Variants in OPCML observed in about 807,000 individuals in gnomAD.
OPCML encodes the protein opioid binding protein/cell adhesion molecule like.
In OPCML, 13 loss-of-function variants were observed where a neutral mutation model predicts 37.8. The observed-to-expected ratio is 0.34, with a 90% CI of 0.22 to 0.55. OPCML has a LOEUF of 0.55. Ranked by LOEUF, OPCML falls within the 20% of genes least tolerant of loss-of-function variation. The pLI is 0.91. For synonymous variants in OPCML, 176 were observed against 168.8 expected (o/e 1.04, Z -0.33); for missense variants, 341 against 435.6 (o/e 0.78, Z 1.93).
intron 1 of OPCML, among the ~76,000 whole-genome samples, chr11:133,520,044 A>G (rs1363945288): frequency 6.6e-6 from 1 of 152,052 alleles, no homozygotes; most frequent in African/African-American, 2.4e-5. Flanking sequence ...TGAAGAATGA[A>G]TTTTCTAGTC....
At chr11:133,137,939 T>A (rs11821620) in intron 1 of OPCML, among the ~76,000 whole-genome samples, 8,041 of 152,234 alleles carry the variant, frequency 0.053, 374 homozygotes, top group African/African-American at 0.12. Context: ...GGTTCCTTTT[T>A]CAAGAGTTCT....
chr11:133,208,782 G>A lies in OPCML; in HGVS notation c.62-265772C>T, dbSNP rs1267207104. ...CAATGGCCCTTCTCTAGGACCAAAG[G>A]GATACACCAAGTGCTGGAGTGAAGA... On this transcript the variant is annotated intron_variant, in intron 1 of 7. Coordinates refer to ENST00000524381, the MANE Select transcript of OPCML (RefSeq NM_001012393.5). The surrounding 1 kb of genome is among the most constrained non-coding windows in gnomAD (Gnocchi z 8.9). Among the ~76,000 whole-genome samples, 1 of 152,026 alleles carries A rather than the reference G, an allele frequency of 6.6e-6. No homozygotes were observed. The highest frequency in any genetic ancestry group is 6.6e-5 in the Admixed American group (1 of 15,262).
chr11:133,003,932 G>T (rs891245487), intron 1 of OPCML: 1 of 985,428 alleles, frequency 1.0e-6, no homozygotes, highest in Non-Finnish European at 1.2e-6. Flanking sequence ...GGTCACACAG[G>T]CTGGCAGCAC....
intron 1 of OPCML, among the ~76,000 whole-genome samples, chr11:133,303,274 G>C (rs961608705): frequency 1.1e-4 from 17 of 152,132 alleles, no homozygotes; most frequent in Non-Finnish European, 2.5e-4. Context: ...TGGCATAAGG[G>C]AAGAGCAGCA....
chr11:132,684,179 T>G (rs1943071820), intron 2 of OPCML, among the ~76,000 whole-genome samples: 1 of 152,236 alleles, frequency 6.6e-6, no homozygotes, highest in African/African-American at 2.4e-5. Context: ...TAATTTATAA[T>G]GCTTAATACC....
rs192851403 is a variant in OPCML at position 133,244,278 on chromosome 11, C to A, written c.61+287986G>T. ...GTCTTCATCTGTGAATAGCCAAAAACGACAAGGCATGGACATACCTCGAAG... is the reference window on the plus strand; with the variant it reads ...GTCTTCATCTGTGAATAGCCAAAAAAGACAAGGCATGGACATACCTCGAAG... On this transcript the variant is annotated intron_variant, in intron 1 of 7. Coordinates refer to ENST00000524381, the MANE Select transcript of OPCML (RefSeq NM_001012393.5). Among the ~76,000 whole-genome samples the A allele has an allele frequency of 5.9e-4, 90 of 152,142 alleles. 1 individual carries two copies. In the East Asian group the frequency reaches 0.016, roughly 28 times the overall value.
intron 1 of OPCML, among the ~76,000 whole-genome samples, chr11:133,111,884 A>G (rs1201997904): frequency 1.3e-5 from 2 of 152,136 alleles, no homozygotes; most frequent in Non-Finnish European, 2.9e-5. Context: ...GGATGGGTGG[A>G]GGATGTTTAT....
chr11:133,179,525 ACT>A (rs1016394117), intron 1 of OPCML, among the ~76,000 whole-genome samples: 10 of 152,078 alleles, frequency 6.6e-5, no homozygotes, highest in African/African-American at 2.4e-4. Flanking sequence ...GGAGAGCGGC[ACT>A]CTCTTTCTTC....
chr11:133,149,457 G>A (rs1452893259), intron 1 of OPCML, among the ~76,000 whole-genome samples: 1 of 152,190 alleles, frequency 6.6e-6, no homozygotes, highest in Admixed American at 6.5e-5. Flanking sequence ...CCCACTTAAA[G>A]TAAAACGAAG....
chr11:132,609,989 C>G (rs1018172438), intron 3 of OPCML, among the ~76,000 whole-genome samples: 8 of 151,854 alleles, frequency 5.3e-5, no homozygotes, highest in Admixed American at 5.2e-4. Flanking sequence ...AACCATCACA[C>G]ACACACACAA....
chr11:133,357,353 G>A (rs1944312108), intron 1 of OPCML, among the ~76,000 whole-genome samples: 1 of 152,200 alleles, frequency 6.6e-6, no homozygotes, highest in African/African-American at 2.4e-5. Context: ...CTAGGGTTGT[G>A]CTGAGAATTA....
intron 1 of OPCML, among the ~76,000 whole-genome samples, chr11:133,363,914 C>T (rs1183684637): frequency 6.6e-5 from 10 of 152,172 alleles, no homozygotes; most frequent in Admixed American, 4.6e-4. Flanking sequence ...TCCAATCTCA[C>T]CTCCACCCCG....
chr11:132,961,312 A>T lies in OPCML; in HGVS notation c.62-18302T>A, dbSNP rs11823130. 3.8e-3 allele frequency among the ~76,000 whole-genome samples: 578 copies of T among 152,040 alleles called. 1 individual carries two copies. The highest frequency in any genetic ancestry group is 0.014 in the Middle Eastern group (4 of 292). On this transcript the variant is annotated intron_variant, in intron 1 of 7. Transcript: ENST00000524381. Reference sequence around the variant, plus strand: ...CTAAGATTTCTACGTCTTAAATTTTAAAAAAAAGTACATTTTAAGGATAAG... The same window carrying T: ...CTAAGATTTCTACGTCTTAAATTTTTAAAAAAAGTACATTTTAAGGATAAG...
chr11:132,556,507 A>G (rs933968343), intron 3 of OPCML, among the ~76,000 whole-genome samples: 1 of 152,166 alleles, frequency 6.6e-6, no homozygotes, highest in African/African-American at 2.4e-5. Context: ...CAGAGAGAAG[A>G]CACTTTCCAA....
intron 1 of OPCML, among the ~76,000 whole-genome samples, chr11:133,362,575 A>G (rs772922790): frequency 6.6e-5 from 10 of 152,192 alleles, no homozygotes; most frequent in Admixed American, 1.3e-4. Flanking sequence ...GGAAGATTCC[A>G]TCTCTCTCTG....
chr11:133,027,692 G>A (rs1947585440), intron 1 of OPCML, among the ~76,000 whole-genome samples: 1 of 143,814 alleles, frequency 7.0e-6, no homozygotes, highest in South Asian at 2.5e-4. Context: ...GTGTGTGTGG[G>A]TGGTATGTGT....
chr11:133,431,351 T>C (rs1213230497), intron 1 of OPCML, among the ~76,000 whole-genome samples: 1 of 152,220 alleles, frequency 6.6e-6, no homozygotes, highest in Non-Finnish European at 1.5e-5. Flanking sequence ...TAATTATCTG[T>C]CTTTTGAGAG....
intron 1 of OPCML, among the ~76,000 whole-genome samples, chr11:133,217,701 G>A (rs1253118734): frequency 2.6e-5 from 4 of 152,170 alleles, no homozygotes; most frequent in Non-Finnish European, 5.9e-5. Context: ...TTCTGGCAGA[G>A]GTTTAAGAGT....
At chr11:133,461,995 T>A (rs1946871428) in intron 1 of OPCML, among the ~76,000 whole-genome samples, 1 of 152,054 alleles carries the variant, frequency 6.6e-6, no homozygotes, top group Middle Eastern at 3.4e-3. Context: ...GTCAAATAAT[T>A]TTAAACAAGA....
Sources: gnomAD v4.1 joint callset for allele counts (sites outside exome capture counted in the v4.1 genomes callset) on GRCh38, gnomAD v4.1.1 for gene constraint, Gnocchi (gnomAD v3.1) non-coding constraint, MANE v1.5 for transcripts, NCBI Gene and HGNC (gene_info 2026-07-23, HGNC 2026-07-21) for gene names.